Variants in KIF13B observed in about 807,000 individuals in gnomAD.
KIF13B encodes kinesin-like protein KIF13B.
A neutral mutation model predicts 222.0 loss-of-function variants in KIF13B; 127 were observed. The observed-to-expected ratio is 0.57, with a 90% CI of 0.50 to 0.66. The LOEUF (loss-of-function observed/expected upper bound fraction) is 0.66. KIF13B is among the 30% of genes least tolerant of loss of function. KIF13B has a pLI of 0.00. For synonymous variants in KIF13B, 976 were observed against 919.0 expected, an observed-to-expected ratio of 1.06 and a Z score of -1.12; for missense variants, 2,173 against 2,379.0, an observed-to-expected ratio of 0.91 and a Z score of 1.80.
chr8:29,072,364 C>G, intron 38 of KIF13B, 48 bp from the exon 39 acceptor site: 1 of 1,287,518 alleles, frequency 7.8e-7, no homozygotes, highest in Non-Finnish European at 1.0e-6. Context: ...AACTTTCCAA[C>G]ACGAACCAAG....
At chr8:29,139,745 C>T (rs886703851) in intron 21 of KIF13B, among the ~76,000 whole-genome samples, 3 of 151,950 alleles carry the variant, frequency 2.0e-5, no homozygotes, top group Non-Finnish European at 2.9e-5. Flanking sequence ...CTGCGCCCCT[C>T]GCTGACTTCC....
At chr8:29,158,463 G>A (rs913571623) in intron 13 of KIF13B, among the ~76,000 whole-genome samples, 3 of 152,174 alleles carry the variant, frequency 2.0e-5, no homozygotes, top group African/African-American at 7.2e-5. Flanking sequence ...TAAAGGGGGT[G>A]TTATATTCTA....
chr8:29,199,415 T>C lies in KIF13B; in HGVS notation c.150-3216A>G, dbSNP rs184862807. Among the ~76,000 whole-genome samples, 633 of 152,118 alleles carry C rather than the reference T, an allele frequency of 4.2e-3. 1 individual carries two copies. The highest frequency in any genetic ancestry group is 0.014 in the African/African-American group (601 of 41,514). ...CTAGCACATACTTCAGGTTGTGAAG[T>C]GAACATACTTCAGGTTGTGATGTGA... On this transcript the variant is annotated intron_variant, in intron 2 of 39. Coordinates refer to ENST00000524189, the MANE Select transcript of KIF13B (RefSeq NM_015254.4).
At position 29,186,275 on chromosome 8, in the gene KIF13B, G is replaced by A; in HGVS notation, c.497+17C>T. On this transcript the variant is annotated intron_variant, in intron 6 of 39. Transcript: ENST00000524189. ...CAGTTCACAATGCTGAAACACTAAA[G>A]TCTCAAAGTCCTTTACCCTTTGGGA... The A allele has an allele frequency of 6.3e-7, 1 of 1,587,444 alleles. No individual in the cohort carries two copies. Among genetic ancestry groups the A allele is most frequent in the East Asian group, 2.2e-5 (1 of 44,752 alleles).
At chr8:29,235,684 G>A (rs754966548) in intron 2 of KIF13B, among the ~76,000 whole-genome samples, 1 of 152,080 alleles carries the variant, frequency 6.6e-6, no homozygotes, top group Non-Finnish European at 1.5e-5. Context: ...AAACAATGTG[G>A]GATAAACATA....
At chr8:29,124,403 ATCT>A (rs764371089) in intron 26 of KIF13B, among the ~76,000 whole-genome samples, 1 of 152,202 alleles carries the variant, frequency 6.6e-6, no homozygotes, top group Non-Finnish European at 1.5e-5. Context: ...TGCAACAAAA[ATCT>A]TCTAAAAGGT....
At position 29,176,490 on chromosome 8, in the gene KIF13B, T is replaced by C. The variant is rs1812482804; in HGVS notation, c.834-311A>G. ...AGCCAGAAACACAATAATTAAACCATAGTACAAAGCAAAAATTGTATATAT... is the reference window on the plus strand; with the variant it reads ...AGCCAGAAACACAATAATTAAACCACAGTACAAAGCAAAAATTGTATATAT... On this transcript the variant is annotated intron_variant, in intron 9 of 39. Transcript: ENST00000524189. 2.6e-5 allele frequency among the ~76,000 whole-genome samples: 4 copies of C among 152,090 alleles called. 1 individual carries two copies. The South Asian group carries it at 8.3e-4, about 32-fold the overall frequency.
At chr8:29,209,716 TGAACTA>T (rs1814121589) in intron 2 of KIF13B, among the ~76,000 whole-genome samples, 1 of 152,158 alleles carries the variant, frequency 6.6e-6, no homozygotes, top group African/African-American at 2.4e-5. Flanking sequence ...AAGTACACTC[TGAACTA>T]GCATCTAGGG....
In KIF13B at chr8:29,068,591, G is replaced by A. The variant is rs771070488; in HGVS notation, c.*1913C>T. On this transcript the variant is annotated 3_prime_UTR_variant, in exon 40 of 40. Coordinates refer to ENST00000524189, the MANE Select transcript of KIF13B (RefSeq NM_015254.4). The surrounding 1 kb of genome is among the most constrained non-coding windows in gnomAD (Gnocchi z 4.4). ...TGGTGCTACAGGAGGCCGCTGCTGG[G>A]TGGATGGCTCAGCCACCACGAAGTG... 1.3e-5 allele frequency: 2 copies of A among 152,316 alleles called. No individual in the cohort carries two copies. The highest frequency in any genetic ancestry group is 2.9e-5 in the Non-Finnish European group (2 of 68,146). The allele number at this position is 152,316 out of a possible 1,614,324, so 9.4% of individuals were successfully genotyped here. A position where few individuals can be genotyped will look rare whatever the true frequency, so the allele number is the denominator to read the frequency against.
intron 2 of KIF13B, among the ~76,000 whole-genome samples, chr8:29,231,264 G>C (rs1005127675): frequency 2.6e-5 from 4 of 152,158 alleles, no homozygotes; most frequent in Non-Finnish European, 5.9e-5. Context: ...GCTACCATAC[G>C]GGTTCGGCCT....
At chr8:29,175,718 G>T (rs1812447173) in intron 10 of KIF13B, among the ~76,000 whole-genome samples, 1 of 152,196 alleles carries the variant, frequency 6.6e-6, no homozygotes, top group Admixed American at 6.5e-5. Context: ...GGCCAGGGTG[G>T]CCCAGCTGAG....
intron 2 of KIF13B, among the ~76,000 whole-genome samples, chr8:29,237,517 C>T (rs902683840): frequency 1.3e-5 from 2 of 150,492 alleles, no homozygotes; most frequent in African/African-American, 4.9e-5. Flanking sequence ...GGTAGTAATT[C>T]AAGCACAGAG....
intron 18 of KIF13B, among the ~76,000 whole-genome samples, chr8:29,143,374 G>C (rs1025694272): frequency 6.6e-6 from 1 of 152,174 alleles, no homozygotes; most frequent in Non-Finnish European, 1.5e-5. Context: ...TATAAAACAT[G>C]AAACACTTAA....
chr8:29,235,825 G>A (rs1468371817), intron 2 of KIF13B, among the ~76,000 whole-genome samples: 2 of 152,170 alleles, frequency 1.3e-5, no homozygotes, highest in East Asian at 3.8e-4. Context: ...CCAGAAACTG[G>A]TTAGAAAGCT....
chr8:29,257,743 T>C (rs1051476317), intron 1 of KIF13B, among the ~76,000 whole-genome samples: 2 of 152,030 alleles, frequency 1.3e-5, no homozygotes, highest in African/African-American at 4.8e-5. Flanking sequence ...GAGGTTGAGG[T>C]TGAGGATGCA....
rs201268834 is a variant in KIF13B, at chr8:29,180,100, C to G, written c.720+4G>C. On this transcript the variant is annotated splice_donor_region_variant and intron_variant, in intron 8 of 39. Coordinates refer to ENST00000524189, the MANE Select transcript of KIF13B (RefSeq NM_015254.4). ...AAAAACAGGTCATGCATCTGAACAC[C>G]TACCCCAGACTTCACATCGTAGAGA... 9.3e-6 allele frequency: 15 copies of G among 1,613,796 alleles called. No homozygotes were observed. The East Asian group carries it at 3.3e-4, about 36-fold the overall frequency.
chr8:29,116,907 G>A lies in KIF13B; in HGVS notation c.3761C>T (p.Thr1254Met), dbSNP rs372464024. The change falls in exon 31 of 40, where the codon ACG (threonine) becomes ATG (methionine). Residue 1254 changes from threonine (T) to methionine (M), a missense_variant. Around this residue, in one of 2 missense-constraint regions of KIF13B, gnomAD observed 1,480 missense variants for 1,722.8 expected, o/e 0.86. Coordinates refer to ENST00000524189, the MANE Select transcript of KIF13B (RefSeq NM_015254.4). Reference protein sequence around the residue: ...DERLFLIVRVTVQLSHPADMQ... With the variant: ...DERLFLIVRVMVQLSHPADMQ... ...GTCAGCAGGGTGGCTGAGCTGGACC[G>A]TCACGCGCACGATCAGGAACAACCG... 2.0e-5 allele frequency: 32 copies of A among 1,613,160 alleles called. No individual in the cohort carries two copies. The highest frequency in any genetic ancestry group is 2.3e-5 in the Non-Finnish European group (27 of 1,179,460).
chr8:29,119,039 T>C, intron 29 of KIF13B, 47 bp from the exon 30 acceptor site: 4 of 1,580,244 alleles, frequency 2.5e-6, no homozygotes, highest in Non-Finnish European at 3.4e-6. Context: ...TTTTCAAGGA[T>C]AACCCCTACC....
At chr8:29,134,489 A>G (rs1010660277) in intron 21 of KIF13B, among the ~76,000 whole-genome samples, 2 of 152,198 alleles carry the variant, frequency 1.3e-5, no homozygotes, top group Non-Finnish European at 2.9e-5. Flanking sequence ...CTCAGAATAT[A>G]AGAATCATCA....
Sources: gnomAD v4.1 joint callset for allele counts (sites outside exome capture counted in the v4.1 genomes callset) on GRCh38, gnomAD v4.1.1 for gene constraint, gnomAD v4.1.1 regional missense constraint, Gnocchi (gnomAD v3.1) non-coding constraint, MANE v1.5 for transcripts, NCBI Gene and HGNC (gene_info 2026-07-23, HGNC 2026-07-21) for gene names.